SKIC8: variants seen among roughly 807,000 people sequenced by gnomAD.
SKIC8 encodes superkiller complex protein 8.
At chr15:78,296,238 T>C in the SKIC8 span, among the ~76,000 whole-genome samples, 1 of 151,848 alleles carries the variant, frequency 6.6e-6, no homozygotes, top group Non-Finnish European at 1.5e-5. Flanking sequence ...AAACCACGTC[T>C]CTAATAAAAA....
At chr15:78,296,380 T>A in the SKIC8 span, among the ~76,000 whole-genome samples, 1 of 151,720 alleles carries the variant, frequency 6.6e-6, no homozygotes, top group Non-Finnish European at 1.5e-5. Context: ...AACTCCAGCC[T>A]GGGTGACAGA....
At chr15:78,285,462 G>A in the SKIC8 span, 2 of 783,498 alleles carry the variant, frequency 2.6e-6, no homozygotes, top group East Asian at 2.7e-5. Context: ...TACAGGAAAT[G>A]GCCAGGTATC....
the SKIC8 span, chr15:78,293,152 G>A: frequency 7.5e-6 from 12 of 1,609,566 alleles, no homozygotes; most frequent in Non-Finnish European, 9.4e-6. Context: ...TGTATGTTAG[G>A]GGAGAGGCAC....
At chr15:78,295,462 G>A in the SKIC8 span, 10 of 663,078 alleles carry the variant, frequency 1.5e-5, no homozygotes, top group Non-Finnish European at 2.7e-5. Flanking sequence ...CTAAATTGTG[G>A]TAAAGACTTG....
At chr15:78,285,336 C>A in the SKIC8 span, 2 of 1,614,134 alleles carry the variant, frequency 1.2e-6, no homozygotes, top group Non-Finnish European at 1.7e-6. Context: ...TTTTGTCAGA[C>A]GAACTATTTT....
the SKIC8 span, chr15:78,293,167 C>T: frequency 6.2e-7 from 1 of 1,613,912 alleles, no homozygotes; most frequent in East Asian, 2.2e-5. Flanking sequence ...AGGCACTCAC[C>T]ATTTCCAGAC....
chr15:78,294,772 G>T, the SKIC8 span: 2 of 74,944 alleles, frequency 2.7e-5, no homozygotes, highest in South Asian at 2.1e-4. Context: ...TCAGGTTTTT[G>T]TTGTTGTTGT....
chr15:78,284,988 C>T, the SKIC8 span: 2 of 400,516 alleles, frequency 5.0e-6, no homozygotes, highest in Admixed American at 3.9e-5. Context: ...TTTCCAAAGA[C>T]GGCATTTAAA....
chr15:78,299,293 C>T, the SKIC8 span, among the ~76,000 whole-genome samples: 2 of 152,204 alleles, frequency 1.3e-5, no homozygotes, highest in African/African-American at 4.8e-5. Flanking sequence ...GAGAAACCAG[C>T]CCTAATCTCG....
chr15:78,284,274 C>G, the SKIC8 span: 2 of 152,100 alleles, frequency 1.3e-5, no homozygotes, highest in Non-Finnish European at 2.9e-5. Flanking sequence ...TACAAGGAAA[C>G]ACAGCTAGCC....
At chr15:78,288,822 T>C in the SKIC8 span, 3 of 381,112 alleles carry the variant, frequency 7.9e-6, no homozygotes, top group Non-Finnish European at 1.5e-5. Flanking sequence ...GTACGCATAA[T>C]AAAGTCTCCC....
the SKIC8 span, chr15:78,286,190 T>C: frequency 2.0e-6 from 3 of 1,472,046 alleles, no homozygotes; most frequent in Admixed American, 1.8e-5. Flanking sequence ...GTATAATCAC[T>C]GAAGTGGAAA....
chr15:78,295,693 A>C, the SKIC8 span: 5 of 1,557,272 alleles, frequency 3.2e-6, no homozygotes, highest in Non-Finnish European at 4.3e-6. Context: ...TCATTTCCTT[A>C]ACCAAGGATC....
the SKIC8 span, chr15:78,295,420 T>TTTTCC: frequency 2.1e-6 from 1 of 470,316 alleles, no homozygotes; most frequent in Non-Finnish European, 3.7e-6. Context: ...TTTTTTTTTG[T>TTTTCC]ACAACATCTT....
chr15:78,297,892 G>T, the SKIC8 span, among the ~76,000 whole-genome samples: 2 of 152,154 alleles, frequency 1.3e-5, no homozygotes, highest in Non-Finnish European at 2.9e-5. Context: ...ACTAATCCTT[G>T]CCTATGAAGA....
chr15:78,292,800 G>C, the SKIC8 span: 39 of 1,611,868 alleles, frequency 2.4e-5, 1 homozygote, highest in South Asian at 4.3e-4. Context: ...TTCAACAGGG[G>C]ACAGAGAAAT....
the SKIC8 span, chr15:78,294,743 T>C: frequency 1.1e-4 from 63 of 566,450 alleles, no homozygotes; most frequent in East Asian, 1.3e-3. Flanking sequence ...ATGACTGCTT[T>C]TTTTTTTTAG....
the SKIC8 span, chr15:78,288,812 G>A: frequency 5.4e-6 from 2 of 373,486 alleles, no homozygotes; most frequent in Admixed American, 3.9e-5. Context: ...CAGCACAACA[G>A]TACGCATAAT....
At chr15:78,291,257 C>T in the SKIC8 span, 1 of 152,200 alleles carries the variant, frequency 6.6e-6, no homozygotes, top group African/African-American at 2.4e-5. Context: ...GGGCTACAAC[C>T]AGCATGGAAT....
Sources: allele counts gnomAD v4.1 joint callset (sites outside exome capture counted in the v4.1 genomes callset), GRCh38; gene constraint gnomAD v4.1.1; transcripts MANE v1.5; gene names NCBI Gene and HGNC (gene_info 2026-07-23, HGNC 2026-07-21).